Variants in PARN observed in about 807,000 individuals in gnomAD.
PARN encodes the protein poly(A)-specific ribonuclease, also known as poly(A)-specific ribonuclease PARN.
A neutral mutation model predicts 102.8 loss-of-function variants in PARN; 71 were observed. That is an observed-to-expected ratio of 0.69 (90% CI 0.57 to 0.84). The LOEUF is 0.84. Among genes scored for constraint, PARN ranks in the 40% least tolerant of loss-of-function variants. The pLI, the probability that PARN is intolerant of heterozygous loss-of-function variation, is 0.00. For synonymous variants in PARN, 261 were observed against 252.9 expected (o/e 1.03, Z -0.30); for missense variants, 782 against 760.9 (o/e 1.03, Z -0.33).
chr16:14,569,478 G>A (rs142678740), intron 18 of PARN, among the ~76,000 whole-genome samples: 342 of 152,194 alleles, frequency 2.2e-3, no homozygotes, highest in Admixed American at 4.3e-3. Context: ...CAATCCAACC[G>A]ACCCACCCTG....
rs796723050 is a variant in PARN at position 14,544,609 on chromosome 16, C to A, written c.1480+7412G>T. On this transcript the variant is annotated intron_variant, in intron 21 of 23. Transcript: ENST00000437198. Reference sequence around the variant, plus strand: ...AATAATAATAAAAGAATATACCAGGCAAATATAAAAAACATAAGGAGGATG... The same window carrying A: ...AATAATAATAAAAGAATATACCAGGAAAATATAAAAAACATAAGGAGGATG... 4.6e-5 allele frequency among the ~76,000 whole-genome samples: 7 copies of A among 151,678 alleles called. No homozygotes were observed. The South Asian group carries it at 1.0e-3, about 23-fold the overall frequency.
chr16:14,584,674 G>A (rs1969735859), intron 15 of PARN, 75 bp downstream of exon 15: 1 of 1,055,488 alleles, frequency 9.5e-7, no homozygotes, highest in Non-Finnish European at 1.4e-6. Context: ...CCTTTTGCCA[G>A]AAGGCTATAT....
In PARN at chr16:14,630,130, C is replaced by T. The variant is rs1454807803; in HGVS notation, c.-5G>A. On this transcript the variant is annotated 5_prime_UTR_variant, in exon 1 of 24. Transcript: ENST00000437198. ...ACTGCTCCTGATTATCTCCATTCTGCAGAGTGGCCGGAACCTTGGCCCCAC... is the reference window on the plus strand; with the variant it reads ...ACTGCTCCTGATTATCTCCATTCTGTAGAGTGGCCGGAACCTTGGCCCCAC... The T allele has an allele frequency of 7.7e-6, 12 of 1,561,168 alleles. 1 individual carries two copies. The highest frequency in any genetic ancestry group is 1.2e-5 in the South Asian group (1 of 84,964).
intron 22 of PARN, among the ~76,000 whole-genome samples, chr16:14,474,499 T>C (rs1045985409): frequency 1.3e-5 from 2 of 152,202 alleles, no homozygotes; most frequent in African/African-American, 4.8e-5. Context: ...CACGAGTTTT[T>C]ATCAATTTCC....
chr16:14,455,395 G>A (rs1961632165), intron 22 of PARN, among the ~76,000 whole-genome samples: 1 of 152,118 alleles, frequency 6.6e-6, no homozygotes, highest in African/African-American at 2.4e-5. Context: ...TTCACATTAA[G>A]AGTATTCCAC....
At chr16:14,477,371 T>G (rs968337407) in intron 22 of PARN, among the ~76,000 whole-genome samples, 1 of 150,054 alleles carries the variant, frequency 6.7e-6, no homozygotes, top group Non-Finnish European at 1.5e-5. Context: ...AACCAGGGAG[T>G]TGGAGGTTAC....
rs34169116 is a variant in PARN at position 14,518,291 on chromosome 16, C to CAAAAAAAAAAAAAAAAAAAAAAAAAAAAA, written c.1480+33729_1480+33730insTTTTTTTTTTTTTTTTTTTTTTTTTTTTT. Among the ~76,000 whole-genome samples the CAAAAAAAAAAAAAAAAAAAAAAAAAAAAA allele has an allele frequency of 3.8e-5, 2 of 52,268 alleles. 1 individual carries two copies. 34.3% of individuals were successfully genotyped at this position (52,268 alleles called of 152,430 possible). A position where few individuals can be genotyped will look rare whatever the true frequency, so the allele number is the denominator to read the frequency against. Reference sequence around the variant, plus strand: ...TAGGCAACAGAGTAAGACCCTGTCTCAAAAAAAAAAAAAAAAAAAAAAAAA... The same window carrying CAAAAAAAAAAAAAAAAAAAAAAAAAAAAA: ...TAGGCAACAGAGTAAGACCCTGTCTCAAAAAAAAAAAAAAAAAAAAAAAAAAAAAAAAAAAAAAAAAAAAAAAAAAAAAA... On this transcript the variant is annotated intron_variant, in intron 21 of 23. Transcript: ENST00000437198.
intron 6 of PARN, among the ~76,000 whole-genome samples, chr16:14,614,295 G>A (rs1247123720): frequency 2.6e-5 from 4 of 151,964 alleles, no homozygotes; most frequent in African/African-American, 4.8e-5. Context: ...GAGAGGTGCA[G>A]TTTTTGACCC....
chr16:14,473,439 C>T (rs192801692), intron 22 of PARN, among the ~76,000 whole-genome samples: 3 of 152,272 alleles, frequency 2.0e-5, no homozygotes, highest in African/African-American at 7.2e-5. Flanking sequence ...ATCTACAGTC[C>T]TTTCCAAAAG....
chr16:14,552,956 T>A (rs552836367), intron 20 of PARN, among the ~76,000 whole-genome samples: 51 of 151,328 alleles, frequency 3.4e-4, no homozygotes, highest in African/African-American at 1.1e-3. Context: ...CTCAAAAAAA[T>A]AATAATAATA....
At chr16:14,458,168 T>A (rs1961776240) in intron 22 of PARN, among the ~76,000 whole-genome samples, 1 of 152,158 alleles carries the variant, frequency 6.6e-6, no homozygotes, top group Non-Finnish European at 1.5e-5. Context: ...GATGCAAACA[T>A]GAAAGATACT....
intron 21 of PARN, among the ~76,000 whole-genome samples, chr16:14,548,068 C>T (rs930374093): frequency 2.0e-5 from 3 of 151,914 alleles, no homozygotes; most frequent in African/African-American, 7.3e-5. Flanking sequence ...CACGGTGAAA[C>T]CCTGTCCCTA....
Position 14,623,479 on chromosome 16 carries a change from A to G in PARN, c.327+3627T>C, listed in dbSNP as rs554903968. ...TGGTGAGCCAAGATCGCACCACTGC[A>G]CTCCAGCCTGGAAACAGAGCAAAAC... On this transcript the variant is annotated intron_variant, in intron 5 of 23. Coordinates refer to ENST00000437198, the MANE Select transcript of PARN (RefSeq NM_002582.4). 1.2e-4 allele frequency among the ~76,000 whole-genome samples: 18 copies of G among 151,674 alleles called. No individual in the cohort carries two copies. In the South Asian group the frequency reaches 2.7e-3, roughly 23 times the overall value.
chr16:14,494,491 G>A (rs1964210270), intron 21 of PARN, among the ~76,000 whole-genome samples: 1 of 152,202 alleles, frequency 6.6e-6, no homozygotes, highest in African/African-American at 2.4e-5. Flanking sequence ...GGTTGGGAGA[G>A]CAGGTAGTGT....
chr16:14,585,025 C>A (rs1036643434), intron 14 of PARN, among the ~76,000 whole-genome samples: 4 of 152,216 alleles, frequency 2.6e-5, no homozygotes. Flanking sequence ...CCATCATCAG[C>A]GACTTCATTG....
At chr16:14,500,319 A>G (rs1484259763) in intron 21 of PARN, among the ~76,000 whole-genome samples, 1 of 152,170 alleles carries the variant, frequency 6.6e-6, no homozygotes, top group Non-Finnish European at 1.5e-5. Context: ...CAGCCTCCCA[A>G]AGTGCTGGGA....
intron 21 of PARN, among the ~76,000 whole-genome samples, chr16:14,495,853 G>C (rs1369446032): frequency 2.0e-5 from 3 of 152,132 alleles, no homozygotes; most frequent in Admixed American, 2.0e-4. Context: ...GGACAGCTTT[G>C]TGAATCTGGG....
intron 18 of PARN, among the ~76,000 whole-genome samples, chr16:14,563,522 G>GTGTGTGTGTGTATATATA (rs1423811963): frequency 3.2e-4 from 48 of 149,146 alleles, no homozygotes; most frequent in African/African-American, 6.7e-4. Flanking sequence ...GTGTGTGTGT[G>GTGTGTGTGTGTATATATA]TATATAATTC....
In PARN at chr16:14,436,164, G is replaced by C. The variant is rs1960685436; in HGVS notation, c.*553C>G. 6.5e-6 allele frequency: 1 copy of C among 154,338 alleles called. No homozygotes were observed. Among genetic ancestry groups the C allele is most frequent in the African/African-American group, 2.4e-5 (1 of 41,444 alleles). 9.6% of individuals were successfully genotyped at this position (154,338 alleles called of 1,614,324 possible). A position where few individuals can be genotyped will look rare whatever the true frequency, so the allele number is the denominator to read the frequency against. On this transcript the variant is annotated 3_prime_UTR_variant, in exon 24 of 24. Transcript: ENST00000437198. The stretch of plus-strand genomic sequence containing the variant: ...AGCCCTCTCATGGGTGGGCATGAGT[G>C]GACATCTTCCTGAAGGAAGGACAAG...
Sources: gnomAD v4.1 joint callset for allele counts (sites outside exome capture counted in the v4.1 genomes callset) on GRCh38, gnomAD v4.1.1 for gene constraint, MANE v1.5 for transcripts, NCBI Gene and HGNC (gene_info 2026-07-23, HGNC 2026-07-21) for gene names.